Variants in NETO1 observed in about 807,000 individuals in gnomAD.
NETO1 encodes neuropilin and tolloid-like protein 1.
Under a neutral mutation model 61.3 loss-of-function variants are expected in NETO1, and 26 were observed. That is an observed-to-expected ratio of 0.42 (90% CI 0.31 to 0.59). The LOEUF is 0.59. NETO1 is among the 20% of genes least tolerant of loss of function. The pLI is 0.12. For synonymous variants in NETO1, 225 were observed against 225.8 expected, an observed-to-expected ratio of 1.00 and a Z score of 0.03; for missense variants, 531 against 662.8, an observed-to-expected ratio of 0.80 and a Z score of 2.18.
At chr18:72,803,668 A>G (rs2072579625) in intron 4 of NETO1, among the ~76,000 whole-genome samples, 1 of 152,076 alleles carries the variant, frequency 6.6e-6, no homozygotes, top group South Asian at 2.1e-4. Flanking sequence ...CTAAAAATAC[A>G]AAATTAGTCA....
intron 4 of NETO1, among the ~76,000 whole-genome samples, chr18:72,856,694 C>G (rs1365889091): frequency 6.6e-6 from 1 of 152,136 alleles, no homozygotes; most frequent in African/African-American, 2.4e-5. Flanking sequence ...ATTCAGTGCT[C>G]CTCGCAGCTG....
chr18:72,801,301 G>GT (rs1196604795), intron 4 of NETO1, among the ~76,000 whole-genome samples: 1 of 152,096 alleles, frequency 6.6e-6, no homozygotes, highest in Non-Finnish European at 1.5e-5. Flanking sequence ...AATTACTAAA[G>GT]TTTTTTAAAT....
At chr18:72,803,882 C>T (rs2145150067) in intron 4 of NETO1, among the ~76,000 whole-genome samples, 1 of 151,766 alleles carries the variant, frequency 6.6e-6, no homozygotes, top group African/African-American at 2.4e-5. Context: ...CTCTGTTAGA[C>T]TGGGTTCTCT....
intron 7 of NETO1, among the ~76,000 whole-genome samples, chr18:72,773,208 A>T (rs1216970490): frequency 1.3e-5 from 2 of 151,852 alleles, no homozygotes; most frequent in South Asian, 2.1e-4. Context: ...ATTTCTACTA[A>T]CCACCTGTCC....
At chr18:72,758,385 T>TGTGTGTGTGTG (rs1555681798) in intron 7 of NETO1, among the ~76,000 whole-genome samples, 7 of 142,826 alleles carry the variant, frequency 4.9e-5, no homozygotes, top group South Asian at 2.3e-4. Context: ...TTTTTTTTCT[T>TGTGTGTGTGTG]TGTGTGTGTG....
At chr18:72,826,034 T>A (rs542094378) in intron 4 of NETO1, among the ~76,000 whole-genome samples, 4 of 152,298 alleles carry the variant, frequency 2.6e-5, no homozygotes, top group South Asian at 4.1e-4. Context: ...ATATTCATTA[T>A]CTTTTTGAAG....
Position 72,867,411 on chromosome 18 carries a change from T to G in NETO1, c.-120A>C. On this transcript the variant is annotated 5_prime_UTR_variant, in exon 1 of 11. Coordinates refer to ENST00000327305, the MANE Select transcript of NETO1 (RefSeq NM_138966.5). Reference sequence around the variant, plus strand: ...TTAAAGACGCAAAGCAAGAAGGAAATAAAGGGGGGCCGAGAGGGAGACCGA... The same window carrying G: ...TTAAAGACGCAAAGCAAGAAGGAAAGAAAGGGGGGCCGAGAGGGAGACCGA... 4 of 637,788 alleles carry G rather than the reference T, an allele frequency of 6.3e-6. No homozygotes were observed. The highest frequency in any genetic ancestry group is 3.8e-5 in the Admixed American group (1 of 26,588). The allele number at this position is 637,788 out of a possible 1,614,324, so 39.5% of individuals were successfully genotyped here. A position where few individuals can be genotyped will look rare whatever the true frequency, so the allele number is the denominator to read the frequency against.
At position 72,812,183 on chromosome 18, in the gene NETO1, C is replaced by T. The variant is rs553986176; in HGVS notation, c.470-17779G>A. Among the ~76,000 whole-genome samples the T allele has an allele frequency of 1.6e-4, 24 of 152,262 alleles. No individual in the cohort carries two copies. In the South Asian group the frequency reaches 3.7e-3, roughly 24 times the overall value. On this transcript the variant is annotated intron_variant, in intron 4 of 10. Coordinates refer to ENST00000327305, the MANE Select transcript of NETO1 (RefSeq NM_138966.5). ...TATTCTCATTGAAGGCAGGAGAAAACGGAAGTTCACGAAAGATTATAAAGT... is the reference window on the plus strand; with the variant it reads ...TATTCTCATTGAAGGCAGGAGAAAATGGAAGTTCACGAAAGATTATAAAGT...
intron 4 of NETO1, among the ~76,000 whole-genome samples, chr18:72,842,427 A>T (rs867109500): frequency 6.6e-5 from 10 of 151,862 alleles, no homozygotes; most frequent in Non-Finnish European, 1.3e-4. Flanking sequence ...GGCGATGGTG[A>T]TGATGATGAT....
chr18:72,776,556 C>T (rs2071555329), intron 7 of NETO1, among the ~76,000 whole-genome samples: 1 of 152,140 alleles, frequency 6.6e-6, no homozygotes. Flanking sequence ...GATTAAGGCA[C>T]CATCAGATGT....
intron 4 of NETO1, among the ~76,000 whole-genome samples, chr18:72,805,488 T>C (rs1427950620): frequency 6.6e-6 from 1 of 152,228 alleles, no homozygotes; most frequent in Non-Finnish European, 1.5e-5. Flanking sequence ...TACCAGATAT[T>C]ATTTTAATTA....
chr18:72,774,710 T>G (rs1351953345), intron 7 of NETO1, among the ~76,000 whole-genome samples: 1 of 152,244 alleles, frequency 6.6e-6, no homozygotes, highest in African/African-American at 2.4e-5. Context: ...TTGTTTTTAC[T>G]GTTAGCCTCA....
chr18:72,793,625 G>T (rs761289426), intron 6 of NETO1, among the ~76,000 whole-genome samples: 1 of 152,136 alleles, frequency 6.6e-6, no homozygotes, highest in Admixed American at 6.6e-5. Flanking sequence ...ACTCATGCCT[G>T]TCTCCTTCAA....
intron 4 of NETO1, among the ~76,000 whole-genome samples, chr18:72,796,482 T>G (rs981623491): frequency 6.6e-6 from 1 of 152,206 alleles, no homozygotes; most frequent in Non-Finnish European, 1.5e-5. Context: ...AAAATAGATT[T>G]TTTTTGTTTG....
chr18:72,780,481 C>T (rs893458027), intron 7 of NETO1, among the ~76,000 whole-genome samples: 1 of 152,128 alleles, frequency 6.6e-6, no homozygotes, highest in Admixed American at 6.6e-5. Context: ...TTTTTAAAGA[C>T]TCATAGAGCT....
chr18:72,828,374 T>C (rs2073457474), intron 4 of NETO1, among the ~76,000 whole-genome samples: 2 of 152,110 alleles, frequency 1.3e-5, no homozygotes, highest in Admixed American at 6.5e-5. Flanking sequence ...ACATGAGAGC[T>C]AGCAGAAGCA....
In NETO1 at chr18:72,750,153, G is replaced by T; in HGVS notation, c.1450C>A (p.Gln484Lys). ...NILVMKHSYS[Q>K]DAADACDIDE... ...ATGTCACAGGCATCTGCAGCATCTT[G>T]CGAGTAGCTGTGTTTCATGACAAGG... Residue 484 changes from glutamine (Q) to lysine (K), a missense_variant, in exon 9 of 11, where the codon CAA (glutamine) becomes AAA (lysine). Coordinates refer to ENST00000327305, the MANE Select transcript of NETO1 (RefSeq NM_138966.5). 6.2e-7 allele frequency: 1 copy of T among 1,613,932 alleles called. No individual in the cohort carries two copies. The highest frequency in any genetic ancestry group is 8.5e-7 in the Non-Finnish European group (1 of 1,179,948).
chr18:72,782,920 T>C (rs1024596541), intron 7 of NETO1, among the ~76,000 whole-genome samples: 2 of 152,224 alleles, frequency 1.3e-5, no homozygotes, highest in East Asian at 1.9e-4. Context: ...TGCTGAACAT[T>C]TGTATATGCT....
intron 7 of NETO1, among the ~76,000 whole-genome samples, chr18:72,759,253 C>A (rs1190058447): frequency 6.6e-6 from 1 of 152,156 alleles, no homozygotes; most frequent in Non-Finnish European, 1.5e-5. Context: ...CACATCGGAA[C>A]CCTATAATCT....
Sources: gnomAD v4.1 joint callset for allele counts (sites outside exome capture counted in the v4.1 genomes callset) on GRCh38, gnomAD v4.1.1 for gene constraint, MANE v1.5 for transcripts, NCBI Gene and HGNC (gene_info 2026-07-23, HGNC 2026-07-21) for gene names.